The following HS3ST4 variants were observed in gnomAD, a reference collection of about 807,000 sequenced individuals.
HS3ST4 encodes the protein heparan sulfate-glucosamine 3-sulfotransferase 4.
HS3ST4 carries 17 observed loss-of-function variants against 29.2 expected under a neutral mutation model. The ratio of observed to expected loss-of-function variants is 0.58; its 90% CI spans 0.40 to 0.87. The LOEUF (loss-of-function observed/expected upper bound fraction) is 0.87. HS3ST4 is among the 40% of genes least tolerant of loss of function. HS3ST4 has a pLI of 0.00. For missense variants in HS3ST4, 627 were observed against 634.5 expected, an observed-to-expected ratio of 0.99 and a Z score of 0.13; for synonymous variants, 314 against 285.7, an observed-to-expected ratio of 1.10 and a Z score of -1.00.
intron 1 of HS3ST4, among the ~76,000 whole-genome samples, chr16:25,878,510 C>G (rs1419235995): frequency 6.6e-6 from 1 of 152,122 alleles, no homozygotes; most frequent in Admixed American, 6.5e-5. Context: ...TCTACTTCAA[C>G]TAACACAACC....
chr16:25,882,287 A>G (rs913015731), intron 1 of HS3ST4, among the ~76,000 whole-genome samples: 2 of 152,188 alleles, frequency 1.3e-5, no homozygotes, highest in Non-Finnish European at 2.9e-5. Flanking sequence ...TTTCTGGAGT[A>G]TGGAGTCCAG....
At chr16:26,046,743 G>T (rs543116448) in intron 1 of HS3ST4, among the ~76,000 whole-genome samples, 1 of 152,060 alleles carries the variant, frequency 6.6e-6, no homozygotes, top group Non-Finnish European at 1.5e-5. Flanking sequence ...GTGTGTGTAT[G>T]TGTGTAAACA....
intron 1 of HS3ST4, among the ~76,000 whole-genome samples, chr16:25,777,133 G>C (rs1050937993): frequency 2.6e-5 from 4 of 152,164 alleles, no homozygotes; most frequent in Non-Finnish European, 4.4e-5. Flanking sequence ...AATGTGGGTA[G>C]GGGTTCTCTC....
At chr16:25,794,089 C>G (rs970445937) in intron 1 of HS3ST4, among the ~76,000 whole-genome samples, 1 of 151,918 alleles carries the variant, frequency 6.6e-6, no homozygotes, top group African/African-American at 2.4e-5. Context: ...TATTTCTCTT[C>G]TTTTCTTGAC....
intron 1 of HS3ST4, among the ~76,000 whole-genome samples, chr16:25,932,757 C>T (rs776171069): frequency 4.4e-4 from 67 of 152,194 alleles, no homozygotes; most frequent in Non-Finnish European, 9.1e-4. Flanking sequence ...ACAGAGGAAG[C>T]GTCTGAGGCT....
At chr16:25,793,356 G>A (rs1289338379) in intron 1 of HS3ST4, among the ~76,000 whole-genome samples, 1 of 151,798 alleles carries the variant, frequency 6.6e-6, no homozygotes, top group Non-Finnish European at 1.5e-5. Context: ...TGTTCTACCA[G>A]TTACTGTGAG....
intron 1 of HS3ST4, among the ~76,000 whole-genome samples, chr16:26,057,611 A>G (rs1255231729): frequency 2.6e-5 from 4 of 152,000 alleles, no homozygotes; most frequent in Non-Finnish European, 5.9e-5. Flanking sequence ...AAATTAGCTG[A>G]GTGTGGTGGT....
At chr16:26,023,303 A>G (rs773434098) in intron 1 of HS3ST4, among the ~76,000 whole-genome samples, 7 of 151,730 alleles carry the variant, frequency 4.6e-5, no homozygotes, top group Non-Finnish European at 1.0e-4. Flanking sequence ...TTTTATATAT[A>G]TATATATATT....
chr16:26,086,796 G>T (rs558671700), intron 1 of HS3ST4, among the ~76,000 whole-genome samples: 96 of 152,270 alleles, frequency 6.3e-4, no homozygotes, highest in African/African-American at 2.3e-3. Flanking sequence ...TGTCCTCATT[G>T]ATTAGTCTCT....
intron 1 of HS3ST4, among the ~76,000 whole-genome samples, chr16:25,986,025 TC>T (rs1429053370): frequency 6.6e-6 from 1 of 152,092 alleles, no homozygotes; most frequent in Non-Finnish European, 1.5e-5. Flanking sequence ...AAAGCCCAGT[TC>T]TTGGCTTTCA....
chr16:26,033,955 C>T (rs575430717), intron 1 of HS3ST4, among the ~76,000 whole-genome samples: 9 of 152,316 alleles, frequency 5.9e-5, no homozygotes, highest in Non-Finnish European at 1.0e-4. Context: ...TAAGAGAACA[C>T]TTTGCATATA....
intron 1 of HS3ST4, among the ~76,000 whole-genome samples, chr16:25,739,506 A>AAAACAAACAAAC (rs112438238): frequency 4.6e-5 from 7 of 152,120 alleles, no homozygotes; most frequent in African/African-American, 1.7e-4. Context: ...GACATGCTTA[A>AAAACAAACAAAC]AAACAAACAA....
intron 1 of HS3ST4, among the ~76,000 whole-genome samples, chr16:25,907,177 C>T (rs1205238747): frequency 1.3e-5 from 2 of 152,026 alleles, no homozygotes; most frequent in Non-Finnish European, 2.9e-5. Flanking sequence ...GCCTGGGTGA[C>T]AGAGTGAGAC....
In HS3ST4 at chr16:26,137,346, C is replaced by T. The variant is rs1374621029; in HGVS notation, c.*1098C>T. On this transcript the variant is annotated 3_prime_UTR_variant, in exon 2 of 2. Transcript: ENST00000331351. ...GCCCCACCACCACCTCCTCGGGCTT[C>T]ATTTTCTCTATTTAGAGATGGCAGA... 1 of 152,142 alleles carries T rather than the reference C, an allele frequency of 6.6e-6. No individual in the cohort carries two copies. The highest frequency in any genetic ancestry group is 1.5e-5 in the Non-Finnish European group (1 of 68,044). The allele number at this position is 152,142 out of a possible 1,614,324, so 9.4% of individuals were successfully genotyped here. A position where few individuals can be genotyped will look rare whatever the true frequency, so the allele number is the denominator to read the frequency against.
intron 1 of HS3ST4, among the ~76,000 whole-genome samples, chr16:25,977,987 C>T (rs1434338719): frequency 6.6e-6 from 1 of 152,180 alleles, no homozygotes; most frequent in African/African-American, 2.4e-5. Context: ...AGTGTGCCAT[C>T]GGCCCTAACC....
At chr16:25,755,663 C>T (rs1461991203) in intron 1 of HS3ST4, among the ~76,000 whole-genome samples, 1 of 152,162 alleles carries the variant, frequency 6.6e-6, no homozygotes, top group East Asian at 1.9e-4. Context: ...TTAATTAGGA[C>T]ATCTTTTACA....
intron 1 of HS3ST4, among the ~76,000 whole-genome samples, chr16:26,079,648 C>T (rs565362521): frequency 2.0e-5 from 3 of 152,280 alleles, no homozygotes; most frequent in African/African-American, 7.2e-5. Flanking sequence ...CCAAAATTAT[C>T]AGTCCAAAAA....
chr16:25,999,772 TTA>T (rs1212752936), intron 1 of HS3ST4, among the ~76,000 whole-genome samples: 11 of 134,806 alleles, frequency 8.2e-5, no homozygotes, highest in African/African-American at 1.3e-4. Context: ...ATATATATAT[TTA>T]TATATATTAT....
intron 1 of HS3ST4, among the ~76,000 whole-genome samples, chr16:25,757,573 A>G (rs1437014784): frequency 4.0e-5 from 6 of 148,472 alleles, no homozygotes; most frequent in Non-Finnish European, 8.9e-5. Flanking sequence ...ACTATATATA[A>G]TATAGTAATA....
Sources: gnomAD v4.1 joint callset for allele counts (sites outside exome capture counted in the v4.1 genomes callset) on GRCh38, gnomAD v4.1.1 for gene constraint, MANE v1.5 for transcripts, NCBI Gene and HGNC (gene_info 2026-07-23, HGNC 2026-07-21) for gene names.